The following GSTCD variants were observed in gnomAD, a reference collection of about 807,000 sequenced individuals.
GSTCD encodes glutathione S-transferase C-terminal domain containing.
GSTCD carries 44 observed loss-of-function variants against 68.3 expected under a neutral mutation model. The ratio of observed to expected loss-of-function variants is 0.64; its 90% CI spans 0.51 to 0.83. The LOEUF (loss-of-function observed/expected upper bound fraction) is 0.83. Among genes scored for constraint, GSTCD ranks in the 40% least tolerant of loss-of-function variants. The probability of loss-of-function intolerance (pLI) is 0.00; values close to 1 mark genes in which losing one functional copy is unlikely to be tolerated. For missense variants in GSTCD, 739 were observed against 735.9 expected, an observed-to-expected ratio of 1.00 and a Z score of -0.05; for synonymous variants, 273 against 255.2, an observed-to-expected ratio of 1.07 and a Z score of -0.67.
chr4:105,722,849 T>G (rs1201516456), intron 3 of GSTCD, among the ~76,000 whole-genome samples: 1 of 151,904 alleles, frequency 6.6e-6, no homozygotes, highest in African/African-American at 2.4e-5. Flanking sequence ...AACTATTTGG[T>G]AATCATTCCT....
chr4:105,789,041 A>G (rs1341346163), intron 5 of GSTCD, among the ~76,000 whole-genome samples: 1 of 152,100 alleles, frequency 6.6e-6, no homozygotes, highest in African/African-American at 2.4e-5. Context: ...CTTGAACCTT[A>G]TTTAAAACTA....
intron 5 of GSTCD, among the ~76,000 whole-genome samples, chr4:105,735,722 G>C (rs1251738318): frequency 1.3e-5 from 2 of 152,008 alleles, no homozygotes; most frequent in Non-Finnish European, 2.9e-5. Flanking sequence ...GATGAACCCG[G>C]TACATCAGTT....
intron 5 of GSTCD, among the ~76,000 whole-genome samples, chr4:105,791,098 A>T (rs891892471): frequency 1.3e-5 from 2 of 152,028 alleles, no homozygotes; most frequent in African/African-American, 4.8e-5. Context: ...GTCTATTAAG[A>T]AAAAAGAGGG....
chr4:105,739,887 G>A (rs527825177), intron 5 of GSTCD, among the ~76,000 whole-genome samples: 3 of 152,250 alleles, frequency 2.0e-5, no homozygotes, highest in East Asian at 1.9e-4. Flanking sequence ...CCAGAACACC[G>A]TTTCTCCAGG....
intron 1 of GSTCD, among the ~76,000 whole-genome samples, chr4:105,713,691 A>G (rs1732603714): frequency 6.6e-6 from 1 of 152,156 alleles, no homozygotes; most frequent in Admixed American, 6.5e-5. Context: ...TGTATGTAAT[A>G]TTTAAAACTT....
chr4:105,776,868 A>G (rs1735087271), intron 5 of GSTCD, among the ~76,000 whole-genome samples: 1 of 152,150 alleles, frequency 6.6e-6, no homozygotes. Context: ...GGATAAGGAA[A>G]TTGTGTTGAA....
chr4:105,720,995 T>G (rs1461295444), intron 3 of GSTCD, among the ~76,000 whole-genome samples: 2 of 151,812 alleles, frequency 1.3e-5, no homozygotes, highest in African/African-American at 2.4e-5. Context: ...TTTTTTGAGA[T>G]GGAGTCTCGC....
chr4:105,716,529 G>C (rs894689088), intron 1 of GSTCD, among the ~76,000 whole-genome samples: 1 of 152,160 alleles, frequency 6.6e-6, no homozygotes, highest in Non-Finnish European at 1.5e-5. Flanking sequence ...CCTGAATGGC[G>C]CCTCCTGTCA....
chr4:105,846,529 ATAAG>A lies in GSTCD; in HGVS notation c.*956_*959del, dbSNP rs1465669719. ...TACATTGATTAATACATTTAAGTTT[ATAAG>A]TAATTATTGAGGATCCAGTATTTTC... is the stretch of plus-strand genomic sequence containing the variant. On this transcript the variant is annotated 3_prime_UTR_variant, in exon 12 of 12. Transcript: ENST00000515279. 1 of 152,086 alleles carries A rather than the reference ATAAG, an allele frequency of 6.6e-6. No individual in the cohort carries two copies. Among genetic ancestry groups the A allele is most frequent in the East Asian group, 1.9e-4 (1 of 5,202 alleles). The allele number at this position is 152,086 out of a possible 1,614,324, so 9.4% of individuals were successfully genotyped here. A position where few individuals can be genotyped will look rare whatever the true frequency, so the allele number is the denominator to read the frequency against.
In GSTCD at chr4:105,709,019, A is replaced by G. The variant is rs1732418357; in HGVS notation, c.-22+3A>G. 2.0e-5 allele frequency: 3 copies of G among 152,608 alleles called. No homozygotes were observed. The highest frequency in any genetic ancestry group is 2.1e-4 in the South Asian group (1 of 4,830). 9.5% of individuals were successfully genotyped at this position (152,608 alleles called of 1,614,324 possible). A position where few individuals can be genotyped will look rare whatever the true frequency, so the allele number is the denominator to read the frequency against. On this transcript the variant is annotated splice_donor_region_variant and intron_variant, in intron 1 of 11. Coordinates refer to ENST00000515279, the MANE Select transcript of GSTCD (RefSeq NM_001370181.1). ...CCTGGCCGCGCCTCTGCGACCAGGT[A>G]AAGAGGGCGCTCGGGCCGCCGGCTT...
intron 8 of GSTCD, among the ~76,000 whole-genome samples, chr4:105,831,440 T>G (rs1057465837): frequency 2.6e-5 from 4 of 152,138 alleles, no homozygotes; most frequent in Admixed American, 2.6e-4. Flanking sequence ...AAAGAGTAAA[T>G]AGAGCATAGA....
chr4:105,715,304 TA>T (rs1285004627), intron 1 of GSTCD, among the ~76,000 whole-genome samples: 1 of 152,124 alleles, frequency 6.6e-6, no homozygotes, highest in Non-Finnish European at 1.5e-5. Flanking sequence ...TTCAGCTTTA[TA>T]AAAAAACTCT....
intron 5 of GSTCD, chr4:105,746,264 A>T (rs1337886045): frequency 6.6e-6 from 1 of 152,172 alleles, no homozygotes; most frequent in Non-Finnish European, 1.5e-5. Context: ...AAATATATTT[A>T]CTATTTATTA....
chr4:105,811,888 T>A (rs752721762), intron 5 of GSTCD, among the ~76,000 whole-genome samples: 1 of 152,124 alleles, frequency 6.6e-6, no homozygotes, highest in Non-Finnish European at 1.5e-5. Flanking sequence ...TGGAGGATGA[T>A]GAGTGGATGA....
At position 105,719,360 on chromosome 4, in the gene GSTCD, T is replaced by C. The variant is rs901205763; in HGVS notation, c.727T>C (p.Phe243Leu). The C allele has an allele frequency of 6.2e-7, 1 of 1,614,106 alleles. No homozygotes were observed. The highest frequency in any genetic ancestry group is 1.1e-5 in the South Asian group (1 of 91,084). ...SSKSLELKVA[F>L]SKLTVQEEPA... is the part of the protein sequence containing the mutation. ...CAAGAGTCTGGAACTGAAAGTGGCA[T>C]TCTCAAAGCTCACAGTACAGGAAGA... is the stretch of plus-strand genomic sequence containing the variant. The change falls in exon 3 of 12, where the codon TTC becomes CTC. Residue 243 changes from phenylalanine to leucine, a missense_variant. Physicochemically the swap from Phe to Leu is conservative, Grantham distance 22. Coordinates refer to ENST00000515279, the MANE Select transcript of GSTCD (RefSeq NM_001370181.1).
At chr4:105,833,966 CAGTT>C (rs1295798102) in intron 8 of GSTCD, among the ~76,000 whole-genome samples, 1 of 152,102 alleles carries the variant, frequency 6.6e-6, no homozygotes, top group East Asian at 1.9e-4. Context: ...TGATATGATT[CAGTT>C]AGTTTTAATA....
intron 5 of GSTCD, among the ~76,000 whole-genome samples, chr4:105,733,573 A>G (rs898502348): frequency 6.6e-6 from 1 of 152,086 alleles, no homozygotes; most frequent in Admixed American, 6.5e-5. Context: ...TTTTGAGCCT[A>G]TGTGTGTCTC....
rs902260845 is a variant in GSTCD, at chr4:105,772,758, C to G, written c.1240+43259C>G. ...TTGATGTGCTACTGGATTTGGTTTG[C>G]CAGTATTTTATTGAGGATTTTTGCT... On this transcript the variant is annotated intron_variant, in intron 5 of 11. Transcript: ENST00000515279. Among the ~76,000 whole-genome samples the G allele has an allele frequency of 2.0e-5, 3 of 152,112 alleles. No homozygotes were observed. The South Asian group carries it at 6.2e-4, about 32-fold the overall frequency.
At chr4:105,765,702 C>T (rs184901148) in intron 5 of GSTCD, among the ~76,000 whole-genome samples, 1 of 152,304 alleles carries the variant, frequency 6.6e-6, no homozygotes, top group East Asian at 1.9e-4. Context: ...GTAATCCCCA[C>T]ATGTTGCGGG....
Sources: gnomAD v4.1 joint callset for allele counts (sites outside exome capture counted in the v4.1 genomes callset) on GRCh38, gnomAD v4.1.1 for gene constraint, MANE v1.5 for transcripts, NCBI Gene and HGNC (gene_info 2026-07-23, HGNC 2026-07-21) for gene names.